Variants in ACYP2 observed in about 807,000 individuals in gnomAD.
ACYP2 encodes the protein acylphosphatase-2.
In ACYP2, 12 loss-of-function variants were observed where a neutral mutation model predicts 11.2. The observed-to-expected ratio is 1.08, with a 90% confidence interval of 0.69 to 1.74. The LOEUF is 1.74. Ranked by LOEUF, ACYP2 falls within the 40% of genes most tolerant of loss-of-function variation. The probability of loss-of-function intolerance (pLI) is 0.00; values close to 1 mark genes in which losing one functional copy is unlikely to be tolerated. For missense variants in ACYP2, 134 were observed against 101.9 expected, an observed-to-expected ratio of 1.31 and a Z score of -1.35; for synonymous variants, 43 against 32.2, an observed-to-expected ratio of 1.33 and a Z score of -1.13.
chr2:54,225,005 C>T (rs543938237), intron 6 of ACYP2, among the ~76,000 whole-genome samples: 1 of 152,282 alleles, frequency 6.6e-6, no homozygotes, highest in Admixed American at 6.5e-5. Flanking sequence ...ATCTTCAAAT[C>T]CTGAGCAGTT....
chr2:54,255,952 C>T lies in ACYP2; in HGVS notation c.405-48736C>T, dbSNP rs780456241. The T allele has an allele frequency of 5.0e-6, 8 of 1,614,130 alleles. No homozygotes were observed. The South Asian group carries it at 7.7e-5, about 16-fold the overall frequency. ...GACCAAGATGTGGAAAGTATGGCCA[C>T]CATCTGCGGGATCCTGGGGCGCGAC... On this transcript the variant is annotated intron_variant, in intron 6 of 6. Transcript: ENST00000607452.
chr2:54,090,077 G>T (rs1182355446), intron 4 of ACYP2, among the ~76,000 whole-genome samples: 1 of 150,646 alleles, frequency 6.6e-6, no homozygotes, highest in Non-Finnish European at 1.5e-5. Flanking sequence ...CCCAGGAGAT[G>T]CAGGTTACAA....
At chr2:54,258,104 T>C (rs1490615856) in intron 6 of ACYP2, among the ~76,000 whole-genome samples, 1 of 152,192 alleles carries the variant, frequency 6.6e-6, no homozygotes, top group African/African-American at 2.4e-5. Context: ...ATTTCTTCCC[T>C]CTTGGGGTTT....
chr2:54,020,817 C>T (rs985274321), intron 2 of ACYP2, among the ~76,000 whole-genome samples: 6 of 152,244 alleles, frequency 3.9e-5, no homozygotes, highest in African/African-American at 1.4e-4. Context: ...TTTTGAATAG[C>T]ATCTATGTTG....
chr2:53,976,298 C>T (rs913404979), intron 2 of ACYP2, among the ~76,000 whole-genome samples: 1 of 152,166 alleles, frequency 6.6e-6, no homozygotes, highest in Non-Finnish European at 1.5e-5. Context: ...GCCTCCACCT[C>T]CTGGGCTCAA....
In ACYP2 at chr2:54,102,638, C is replaced by CAAAAAAAAAAAAAAAA. The variant is rs58842257; in HGVS notation, c.278-32794_278-32779dup. The stretch of plus-strand genomic sequence containing the variant: ...AAACCCAATTTAAGCTGGCTTAAGC[C>CAAAAAAAAAAAAAAAA]AAAAAAAAAAAAAAAAAAAAAAAAA... On this transcript the variant is annotated intron_variant, in intron 4 of 6. Transcript: ENST00000607452. Among the ~76,000 whole-genome samples, 8 of 83,304 alleles carry CAAAAAAAAAAAAAAAA rather than the reference C, an allele frequency of 9.6e-5. 1 individual carries two copies. The highest frequency in any genetic ancestry group is 1.8e-4 in the African/African-American group (3 of 17,130). 54.7% of individuals were successfully genotyped at this position (83,304 alleles called of 152,430 possible).
At chr2:54,062,102 G>C (rs991792693) in intron 4 of ACYP2, among the ~76,000 whole-genome samples, 1 of 152,082 alleles carries the variant, frequency 6.6e-6, no homozygotes, top group Non-Finnish European at 1.5e-5. Context: ...TTATTAAAAG[G>C]GGGCATTGGG....
chr2:54,167,579 TG>T (rs571217088), intron 6 of ACYP2, among the ~76,000 whole-genome samples: 37 of 152,298 alleles, frequency 2.4e-4, no homozygotes, highest in African/African-American at 8.2e-4. Flanking sequence ...AAGAGACATT[TG>T]GGGGAGGAAC....
chr2:54,060,633 T>G (rs1375677109), intron 4 of ACYP2, among the ~76,000 whole-genome samples: 1 of 152,254 alleles, frequency 6.6e-6, no homozygotes, highest in Non-Finnish European at 1.5e-5. Flanking sequence ...CTAATTTATT[T>G]GCCCAAATAC....
chr2:54,050,204 A>G (rs1675768294), intron 2 of ACYP2, among the ~76,000 whole-genome samples: 1 of 152,224 alleles, frequency 6.6e-6, no homozygotes, highest in East Asian at 1.9e-4. Flanking sequence ...CTAAAAAATG[A>G]CATTTAATGA....
In ACYP2 at chr2:54,125,193, C is replaced by T. The variant is rs373027309; in HGVS notation, c.278-10260C>T. Reference sequence around the variant, plus strand: ...TACCATATCCTGCTCCAGTTTCCAACCCCAAATCCTGTATATTCTATAAAA... The same window carrying T: ...TACCATATCCTGCTCCAGTTTCCAATCCCAAATCCTGTATATTCTATAAAA... On this transcript the variant is annotated intron_variant, in intron 4 of 6. Transcript: ENST00000607452. Among the ~76,000 whole-genome samples the T allele has an allele frequency of 1.6e-4, 24 of 151,944 alleles. No homozygotes were observed. In the East Asian group the frequency reaches 4.0e-3, roughly 26 times the overall value.
intron 2 of ACYP2, among the ~76,000 whole-genome samples, chr2:54,039,473 C>G (rs1234653126): frequency 2.0e-5 from 3 of 150,486 alleles, no homozygotes; most frequent in African/African-American, 7.3e-5. Context: ...TGTATTTTTT[C>G]TAGAGATGGG....
chr2:54,260,240 T>C (rs1006079417), intron 6 of ACYP2, among the ~76,000 whole-genome samples: 1 of 152,084 alleles, frequency 6.6e-6, no homozygotes, highest in Admixed American at 6.5e-5. Flanking sequence ...TTCATTGTTC[T>C]CAGTGAAATA....
intron 6 of ACYP2, 47 bp downstream of exon 3, chr2:54,138,795 TGTTTTTTA>T: frequency 1.3e-6 from 2 of 1,522,502 alleles, no homozygotes; most frequent in East Asian, 2.3e-5. Flanking sequence ...ATGAGGCTGC[TGTTTTTTA>T]GTTTTTTAAG....
At chr2:54,095,336 T>G (rs542258727) in intron 4 of ACYP2, among the ~76,000 whole-genome samples, 1 of 152,212 alleles carries the variant, frequency 6.6e-6, no homozygotes, top group African/African-American at 2.4e-5. Context: ...TCCCCACCTT[T>G]CCCCCACTTC....
chr2:53,995,481 ATTTATTT>A (rs1672528647), intron 2 of ACYP2, among the ~76,000 whole-genome samples: 2 of 113,782 alleles, frequency 1.8e-5, no homozygotes, highest in South Asian at 6.6e-4. Flanking sequence ...TTATTTATTT[ATTTATTT>A]TTTATTTATT....
At chr2:54,112,970 T>G (rs901255177) in intron 4 of ACYP2, among the ~76,000 whole-genome samples, 3 of 152,110 alleles carry the variant, frequency 2.0e-5, no homozygotes, top group Admixed American at 2.0e-4. Context: ...AAAAGGAAAA[T>G]GTCAACCTTC....
At chr2:54,100,388 A>G (rs1191017818) in intron 4 of ACYP2, among the ~76,000 whole-genome samples, 1 of 150,896 alleles carries the variant, frequency 6.6e-6, no homozygotes, top group Non-Finnish European at 1.5e-5. Context: ...CTGAAGCCTC[A>G]ACCTCTGCGG....
intron 6 of ACYP2, among the ~76,000 whole-genome samples, chr2:54,188,466 G>C (rs1684105132): frequency 6.6e-6 from 1 of 152,088 alleles, no homozygotes; most frequent in African/African-American, 2.4e-5. Context: ...GCAAGCAGTA[G>C]ATATAATATT....
Sources: allele counts gnomAD v4.1 joint callset (sites outside exome capture counted in the v4.1 genomes callset), GRCh38; gene constraint gnomAD v4.1.1; transcripts MANE v1.5; gene names NCBI Gene and HGNC (gene_info 2026-07-23, HGNC 2026-07-21).